The following BAZ2A variants were observed in gnomAD, a reference collection of about 807,000 sequenced individuals.
BAZ2A encodes bromodomain adjacent to zinc finger domain 2A.
A neutral mutation model predicts 199.9 loss-of-function variants in BAZ2A; 34 were observed. That is an observed-to-expected ratio of 0.17 (90% CI 0.13 to 0.23). The LOEUF (loss-of-function observed/expected upper bound fraction) is 0.23, where lower values mean the gene tolerates loss of function less well. Ranked by LOEUF, BAZ2A falls within the 10% of genes least tolerant of loss-of-function variation. The probability of loss-of-function intolerance (pLI) is 1.00; values close to 1 mark genes in which losing one functional copy is unlikely to be tolerated. For missense variants in BAZ2A, 2,002 were observed against 2,391.1 expected (o/e 0.84, Z 3.39); for synonymous variants, 857 against 883.9 (o/e 0.97, Z 0.54).
At chr12:56,623,834 G>A (rs1479559337) in intron 1 of BAZ2A, among the ~76,000 whole-genome samples, 1 of 152,158 alleles carries the variant, frequency 6.6e-6, no homozygotes, top group Non-Finnish European at 1.5e-5. Flanking sequence ...TGTAAAAGCT[G>A]TCCCATTCCT....
intron 26 of BAZ2A, 27 bp downstream of exon 26, chr12:56,599,675 G>A (rs1886231680): frequency 2.5e-6 from 4 of 1,612,252 alleles, no homozygotes; most frequent in Non-Finnish European, 3.4e-6. Context: ...CTGTTTGAGT[G>A]TGGGAAAGAA....
upstream of BAZ2A, chr12:56,630,927 TA>T: frequency 5.7e-6 from 5 of 881,358 alleles, no homozygotes; most frequent in Non-Finnish European, 6.8e-6. Flanking sequence ...GAGTGTAGCC[TA>T]AATGCAGTCA....
At chr12:56,606,527 G>T in intron 11 of BAZ2A, 106 bp downstream of exon 11, 1 of 1,273,568 alleles carries the variant, frequency 7.9e-7, no homozygotes, top group Non-Finnish European at 1.1e-6. Flanking sequence ...GGGTAATGAA[G>T]ATATGCTGCT....
chr12:56,609,676 TCAA>T lies in BAZ2A; in HGVS notation c.2092+57_2092+59del, dbSNP rs1231957835. 6 of 1,506,146 alleles carry T rather than the reference TCAA, an allele frequency of 4.0e-6. No homozygotes were observed. The Admixed American group carries it at 1.1e-4, about 28-fold the overall frequency. The allele number at this position is 1,506,146 out of a possible 1,614,324, so 93.3% of individuals were successfully genotyped here. A position where few individuals can be genotyped will look rare whatever the true frequency, so the allele number is the denominator to read the frequency against. On this transcript the variant is annotated intron_variant, in intron 10 of 28. Coordinates refer to ENST00000549884, the MANE Select transcript of BAZ2A (RefSeq NM_001300905.2). ...GGGAAATCCAGGTATTAGCAATTCA[TCAA>T]CATTTTAGATACCTCATGGAGGGAG...
At position 56,615,443 on chromosome 12, in the gene BAZ2A, G is replaced by A. The variant is rs753413154; in HGVS notation, c.301C>T (p.Pro101Ser). 1.2e-5 allele frequency: 20 copies of A among 1,613,342 alleles called. No homozygotes were observed. Among genetic ancestry groups the A allele is most frequent in the Admixed American group, 1.7e-5 (1 of 59,990 alleles). Reference sequence around the variant, plus strand: ...GGTGGGTCCTTGAGGTTGCTGCCAGGATTGGCAGATGGGTACTGTGAGTAG... The same window carrying A: ...GGTGGGTCCTTGAGGTTGCTGCCAGAATTGGCAGATGGGTACTGTGAGTAG... ...WNYSQYPSAN[P>S]GSNLKDPPLL... The change falls in exon 3 of 29, where the codon CCT (proline) becomes TCT (serine). Residue 101 changes from proline to serine, a missense_variant. Around this residue, in one of 6 missense-constraint regions of BAZ2A, gnomAD observed 641 missense variants for 694.5 expected, o/e 0.92. Transcript: ENST00000549884.
Position 56,601,803 on chromosome 12 carries a change from T to A in BAZ2A, c.3814A>T (p.Ser1272Cys), listed in dbSNP as rs748526538. The part of the protein sequence containing the change: ...LSQSAFLSWL[S>C]QTQSHSSLLS... ...AGGGAGCTATGGCTCTGAGTCTGGC[T>A]CAGCCAAGACAGGAAGGCTGACTGG... The change falls in exon 20 of 29, where the codon AGC (serine) becomes TGC (cysteine). Residue 1272 changes from serine (S) to cysteine (C), a missense_variant. Physicochemically the swap from Ser to Cys is moderately radical, Grantham distance 112. Coordinates refer to ENST00000549884, the MANE Select transcript of BAZ2A (RefSeq NM_001300905.2). 6 of 1,613,862 alleles carry A rather than the reference T, an allele frequency of 3.7e-6. No homozygotes were observed. Among genetic ancestry groups the A allele is most frequent in the East Asian group, 4.5e-5 (2 of 44,896 alleles).
intron 11 of BAZ2A, 131 bp from the exon 12 acceptor site, chr12:56,606,443 AT>A (rs770385575): frequency 1.7e-4 from 210 of 1,229,006 alleles, no homozygotes; most frequent in Non-Finnish European, 2.2e-4. Context: ...CAATGGATTA[AT>A]TCTCTCACCC....
At chr12:56,602,251 GTATA>G in intron 19 of BAZ2A, 59 bp from the exon 20 acceptor site, 9 of 1,400,194 alleles carry the variant, frequency 6.4e-6, no homozygotes, top group Non-Finnish European at 8.7e-6. Context: ...AAGTAAGAGG[GTATA>G]TAAACTTAGG....
chr12:56,606,978 G>C (rs1270109615), intron 10 of BAZ2A, among the ~76,000 whole-genome samples: 1 of 152,026 alleles, frequency 6.6e-6, no homozygotes, highest in Admixed American at 6.6e-5. Context: ...CCAGCCCCTG[G>C]CTCCAATCAG....
Position 56,614,052 on chromosome 12 carries a change from C to T in BAZ2A, c.817G>A (p.Val273Met), listed in dbSNP as rs367725654. 3.7e-6 allele frequency: 6 copies of T among 1,613,862 alleles called. No individual in the cohort carries two copies. The African/African-American group carries it at 8.0e-5, about 22-fold the overall frequency. ...EVSVLVPDPT[V>M]SCLDDPSHLP... ...TGTGAAGGATCATCTAAACAGCTCACTGTGGGGTCAGGGACCAGGACTGAG... is the reference window on the plus strand; with the variant it reads ...TGTGAAGGATCATCTAAACAGCTCATTGTGGGGTCAGGGACCAGGACTGAG... Residue 273 changes from valine to methionine, a missense_variant, in exon 4 of 29, where the codon GTG becomes ATG. By Grantham distance (21) the Val-to-Met change is conservative. This residue lies in a region of BAZ2A where 641 missense variants were observed against 694.5 expected (regional missense o/e 0.92). Transcript: ENST00000549884.
Position 56,606,322 on chromosome 12 carries a change from A to G in BAZ2A, c.2194-10T>C, listed in dbSNP as rs759279133. 15 of 1,613,836 alleles carry G rather than the reference A, an allele frequency of 9.3e-6. No homozygotes were observed. Among genetic ancestry groups the G allele is most frequent in the East Asian group, 2.2e-5 (1 of 44,882 alleles). The stretch of plus-strand genomic sequence containing the variant: ...TCCGCTTATTTCTGGCCTGTAAACC[A>G]TAAGGGAAGTCATTTCTCCTCAAAC... On this transcript the variant is annotated splice_polypyrimidine_tract_variant and intron_variant, in intron 11 of 28. Transcript: ENST00000549884.
In BAZ2A at chr12:56,598,349, A is replaced by G. The variant is rs1886042577; in HGVS notation, c.*269T>C. The G allele has an allele frequency of 5.3e-6, 2 of 375,948 alleles. No homozygotes were observed. The highest frequency in any genetic ancestry group is 9.4e-5 in the South Asian group (2 of 21,358). 23.3% of individuals were successfully genotyped at this position (375,948 alleles called of 1,614,324 possible). On this transcript the variant is annotated 3_prime_UTR_variant, in exon 29 of 29. Transcript: ENST00000549884. ...CATTTTTAATTAGCAAATAAAACAGAAAAGAAAAATTATTTTTTTCTTTCT... is the reference window on the plus strand; with the variant it reads ...CATTTTTAATTAGCAAATAAAACAGGAAAGAAAAATTATTTTTTTCTTTCT...
intron 7 of BAZ2A, 91 bp downstream of exon 7, chr12:56,611,482 C>A: frequency 7.6e-7 from 1 of 1,319,558 alleles, no homozygotes; most frequent in Admixed American, 1.8e-5. Flanking sequence ...CATTCCTCCC[C>A]CACCTCAGAG....
chr12:56,618,641 C>T (rs1159850293), intron 1 of BAZ2A, among the ~76,000 whole-genome samples: 1 of 152,090 alleles, frequency 6.6e-6, no homozygotes, highest in African/African-American at 2.4e-5. Context: ...AGGCCAGGTA[C>T]GGTGGCTCAC....
chr12:56,637,612 T>C (rs145057240), upstream of BAZ2A, among the ~76,000 whole-genome samples: 89 of 152,318 alleles, frequency 5.8e-4, no homozygotes, highest in East Asian at 0.016. Context: ...TTAACAAAGA[T>C]CAGTATTCTT....
intron 3 of BAZ2A, 63 bp from the exon 4 acceptor site, chr12:56,614,201 T>C: frequency 1.3e-6 from 2 of 1,482,670 alleles, no homozygotes; most frequent in East Asian, 2.3e-5. Context: ...CACTTAGCTA[T>C]ACTAGGCAGT....
Position 56,598,214 on chromosome 12 carries a change from A to C in BAZ2A, c.*404T>G, listed in dbSNP as rs1886028358. 1 of 210,798 alleles carries C rather than the reference A, an allele frequency of 4.7e-6. No individual in the cohort carries two copies. The highest frequency in any genetic ancestry group is 9.7e-6 in the Non-Finnish European group (1 of 102,726). The allele number at this position is 210,798 out of a possible 1,614,324, so 13.1% of individuals were successfully genotyped here. ...ACAGTACAGAGTGTTTCTTGGTTTC[A>C]CACATTCACTAGAACTATTGCTATT... On this transcript the variant is annotated 3_prime_UTR_variant, in exon 29 of 29. Coordinates refer to ENST00000549884, the MANE Select transcript of BAZ2A (RefSeq NM_001300905.2).
At chr12:56,608,579 ATTATT>A (rs1296101384) in intron 10 of BAZ2A, among the ~76,000 whole-genome samples, 2 of 151,498 alleles carry the variant, frequency 1.3e-5, no homozygotes, top group Non-Finnish European at 2.9e-5. Context: ...TATTATTATT[ATTATT>A]TTGAGATGGA....
rs1196282839 is a variant in BAZ2A, at chr12:56,596,331, C to T, written c.*2287G>A. 2 of 16,538 alleles carry T rather than the reference C, an allele frequency of 1.2e-4. No individual in the cohort carries two copies. Among genetic ancestry groups the T allele is most frequent in the Non-Finnish European group, 3.7e-4 (2 of 5,358 alleles). 1.0% of individuals were successfully genotyped at this position (16,538 alleles called of 1,614,324 possible). A position where few individuals can be genotyped will look rare whatever the true frequency, so the allele number is the denominator to read the frequency against. On this transcript the variant is annotated 3_prime_UTR_variant, in exon 29 of 29. Coordinates refer to ENST00000549884, the MANE Select transcript of BAZ2A (RefSeq NM_001300905.2). Reference sequence around the variant, plus strand: ...ACTCTTGTCATGAAGAGAAAATCCACCTAGCTCAAGGGGGCAGTGAAGATG... The same window carrying T: ...ACTCTTGTCATGAAGAGAAAATCCATCTAGCTCAAGGGGGCAGTGAAGATG...
Sources: gnomAD v4.1 joint callset for allele counts (sites outside exome capture counted in the v4.1 genomes callset) on GRCh38, gnomAD v4.1.1 for gene constraint, gnomAD v4.1.1 regional missense constraint, MANE v1.5 for transcripts, NCBI Gene and HGNC (gene_info 2026-07-23, HGNC 2026-07-21) for gene names.